RASL12: variants seen among roughly 807,000 people sequenced by gnomAD.
RASL12 encodes RAS like family 12.
RASL12 carries 16 observed loss-of-function variants against 22.9 expected under a neutral mutation model. The ratio of observed to expected loss-of-function variants is 0.70; its 90% confidence interval spans 0.47 to 1.06. The LOEUF (loss-of-function observed/expected upper bound fraction) is 1.06, where lower values mean the gene tolerates loss of function less well. RASL12 is among the 50% of genes least tolerant of loss of function. The pLI is 0.00. For missense variants in RASL12, 306 were observed against 353.1 expected (o/e 0.87, Z 1.07); for synonymous variants, 159 against 152.2 (o/e 1.04, Z -0.33).
chr15:65,062,006 G>A (rs771694569), intron 2 of RASL12, among the ~76,000 whole-genome samples: 30 of 151,846 alleles, frequency 2.0e-4, no homozygotes, highest in Non-Finnish European at 4.1e-4. Flanking sequence ...GTGTGAACCC[G>A]GGAGGTGGAG....
At chr15:65,046,538 G>A in the RASL12 span, among the ~76,000 whole-genome samples, 2 of 152,170 alleles carry the variant, frequency 1.3e-5, no homozygotes, top group South Asian at 2.1e-4. Context: ...GCTGACTCTC[G>A]GTTCTGGATT....
At chr15:65,072,948 C>A (rs1173125087), upstream of RASL12, among the ~76,000 whole-genome samples, 1 of 152,050 alleles carries the variant, frequency 6.6e-6, no homozygotes, top group African/African-American at 2.4e-5. Flanking sequence ...ACCAGCCTGG[C>A]CAACAAGGTG....
At chr15:65,076,580 C>G (rs1310853570) in exon 1 of RASL12, 3 of 703,302 alleles carry the variant, frequency 4.3e-6, no homozygotes, top group Middle Eastern at 2.3e-4. Context: ...CCCACCAATT[C>G]TGGACCCATT....
At chr15:65,065,881 T>A (rs2086870206) in intron 1 of RASL12, among the ~76,000 whole-genome samples, 1 of 152,136 alleles carries the variant, frequency 6.6e-6, no homozygotes, top group African/African-American at 2.4e-5. Context: ...ATCATGGATA[T>A]CTCAGCAGAA....
upstream of RASL12, among the ~76,000 whole-genome samples, chr15:65,070,626 A>C (rs948906745): frequency 2.0e-5 from 3 of 152,226 alleles, no homozygotes; most frequent in South Asian, 6.2e-4. Context: ...ATACCTCTGG[A>C]GTGAACGACT....
chr15:65,068,509 CG>C (rs980854935), upstream of RASL12, among the ~76,000 whole-genome samples: 5 of 152,166 alleles, frequency 3.3e-5, no homozygotes, highest in African/African-American at 1.2e-4. This position sits in a 1 kb window ranked among gnomAD's most constrained non-coding sequence, Gnocchi z 4.2. Flanking sequence ...GGAGAGGGGG[CG>C]GGGCGGAGAG....
intron 1 of RASL12, among the ~76,000 whole-genome samples, chr15:65,065,792 G>T (rs1280756296): frequency 6.6e-6 from 1 of 152,150 alleles, no homozygotes; most frequent in Non-Finnish European, 1.5e-5. Flanking sequence ...TCCAGGTGAG[G>T]TCTGTGTCCC....
At chr15:65,071,508 C>T (rs911446339), upstream of RASL12, among the ~76,000 whole-genome samples, 5 of 152,142 alleles carry the variant, frequency 3.3e-5, no homozygotes, top group Admixed American at 6.5e-5. Flanking sequence ...ATCCTCAGCC[C>T]AGCCTCAGGA....
intron 1 of RASL12, among the ~76,000 whole-genome samples, chr15:65,073,155 C>A (rs906753056): frequency 2.6e-5 from 4 of 152,220 alleles, no homozygotes; most frequent in Admixed American, 6.5e-5. Context: ...AGTCCCCAAC[C>A]TTTTTGGCAC....
At position 65,067,778 on chromosome 15, in the gene RASL12, C is replaced by CA; in HGVS notation, c.57_58insT (p.Glu20Ter). 6.3e-7 allele frequency: 1 copy of CA among 1,582,180 alleles called. No individual in the cohort carries two copies. Among genetic ancestry groups the CA allele is most frequent in the Non-Finnish European group, 8.6e-7 (1 of 1,166,940 alleles). ...CGCCCCAGGATGGCCAGGTTGACCT[C>CA]GAGGGGCGCGCTCTGAGGCCCGCTG... On this transcript the variant is annotated frameshift_variant, in exon 1 of 5. Transcript: ENST00000220062. LOFTEE classifies it high-confidence loss of function.
At chr15:65,071,151 C>T (rs182240748), upstream of RASL12, among the ~76,000 whole-genome samples, 29 of 152,302 alleles carry the variant, frequency 1.9e-4, no homozygotes, top group African/African-American at 6.0e-4. Context: ...CACAGGTTAG[C>T]GCCCCAGAGA....
chr15:65,063,643 C>T (rs2086840419), intron 2 of RASL12, among the ~76,000 whole-genome samples: 1 of 152,254 alleles, frequency 6.6e-6, no homozygotes. Flanking sequence ...GTCACCTGCC[C>T]TGCATCCCTG....
upstream of RASL12, among the ~76,000 whole-genome samples, chr15:65,071,412 G>C (rs970051395): frequency 5.3e-5 from 8 of 152,106 alleles, no homozygotes; most frequent in Non-Finnish European, 1.2e-4. Context: ...AAATCCCAGA[G>C]GGACACTCAG....
chr15:65,067,289 T>G (rs893993737), intron 1 of RASL12, among the ~76,000 whole-genome samples: 9 of 148,502 alleles, frequency 6.1e-5, no homozygotes, highest in Non-Finnish European at 1.2e-4. Flanking sequence ...GCGCCTTGGG[T>G]AGGGGGATCA....
At chr15:65,052,282 G>T (rs532451625), downstream of RASL12, among the ~76,000 whole-genome samples, 1 of 152,076 alleles carries the variant, frequency 6.6e-6, no homozygotes, top group African/African-American at 2.4e-5. Context: ...TGGTGACAAG[G>T]ACCTACGCTA....
intron 2 of RASL12, among the ~76,000 whole-genome samples, chr15:65,060,931 C>CA (rs148094804): frequency 0.022 from 3,325 of 152,008 alleles, 112 homozygotes; most frequent in African/African-American, 0.074. Context: ...TATGCAAAGA[C>CA]AAAAAAAATC....
chr15:65,058,410 A>G lies in RASL12; in HGVS notation c.425+17T>C. ...AAAGCGAGCTCTGGAGATAACGGCC[A>G]AGCAGGCTGTGCTCACCTGTACTGA... is the stretch of plus-strand genomic sequence containing the variant. On this transcript the variant is annotated intron_variant, in intron 4 of 4. Coordinates refer to ENST00000220062, the MANE Select transcript of RASL12 (RefSeq NM_016563.4). 1.4e-6 allele frequency: 2 copies of G among 1,430,318 alleles called. No homozygotes were observed. The highest frequency in any genetic ancestry group is 1.9e-6 in the Non-Finnish European group (2 of 1,078,734). 88.6% of individuals were successfully genotyped at this position (1,430,318 alleles called of 1,614,324 possible).
chr15:65,054,684 G>T lies in RASL12; in HGVS notation c.*215C>A. 1 of 1,392,238 alleles carries T rather than the reference G, an allele frequency of 7.2e-7. No individual in the cohort carries two copies. Among genetic ancestry groups the T allele is most frequent in the South Asian group, 1.8e-5 (1 of 55,766 alleles). The allele number at this position is 1,392,238 out of a possible 1,614,324, so 86.2% of individuals were successfully genotyped here. On this transcript the variant is annotated 3_prime_UTR_variant, in exon 5 of 5. Coordinates refer to ENST00000220062, the MANE Select transcript of RASL12 (RefSeq NM_016563.4). ...TGTTTCCCTCTACGGCCACAGACGC[G>T]GTGGTTACCATGAAGACCAAGGCCT...
chr15:65,075,707 A>T (rs1485097796), intron 1 of RASL12, among the ~76,000 whole-genome samples: 1 of 150,556 alleles, frequency 6.6e-6, no homozygotes, highest in Non-Finnish European at 1.5e-5. Context: ...AAATACACCA[A>T]TTGGCACTCT....
Sources: gnomAD v4.1 joint callset for allele counts (sites outside exome capture counted in the v4.1 genomes callset) on GRCh38, gnomAD v4.1.1 for gene constraint, Gnocchi (gnomAD v3.1) non-coding constraint, MANE v1.5 for transcripts, NCBI Gene and HGNC (gene_info 2026-07-23, HGNC 2026-07-21) for gene names.